The following ZNF800 variants were observed in gnomAD, a reference collection of about 807,000 sequenced individuals.
ZNF800 encodes zinc finger protein 800.
A neutral mutation model predicts 59.5 loss-of-function variants in ZNF800; 13 were observed. The observed-to-expected ratio is 0.22, with a 90% CI of 0.14 to 0.35. ZNF800 has a LOEUF of 0.35. ZNF800 is among the 10% of genes least tolerant of loss of function. The pLI is 1.00. For synonymous variants in ZNF800, 266 were observed against 265.7 expected (o/e 1.00, Z -0.01); for missense variants, 621 against 783.7 (o/e 0.79, Z 2.48).
Position 127,391,423 on chromosome 7 carries a change from A to G in ZNF800, c.61+74T>C. 2.1e-6 allele frequency: 3 copies of G among 1,462,404 alleles called. No individual in the cohort carries two copies. The East Asian group carries it at 6.8e-5, about 33-fold the overall frequency. 90.6% of individuals were successfully genotyped at this position (1,462,404 alleles called of 1,614,324 possible). A position where few individuals can be genotyped will look rare whatever the true frequency, so the allele number is the denominator to read the frequency against. On this transcript the variant is annotated intron_variant, in intron 2 of 5. Transcript: ENST00000265827. ...GAATGACTACTGGGGCAGGAGGAAA[A>G]AAAGCTAGAAAAAAAGAGAAGGCAG...
At chr7:127,359,486 T>C (rs17866482) in intron 1 of ZNF800, among the ~76,000 whole-genome samples, 1 of 152,124 alleles carries the variant, frequency 6.6e-6, no homozygotes, top group Non-Finnish European at 1.5e-5. Flanking sequence ...GTAAAGAAAT[T>C]AAAGTTATTT....
chr7:127,386,112 T>A lies in ZNF800; in HGVS notation c.105A>T (p.Pro35=), dbSNP rs765759695. The A allele has an allele frequency of 6.2e-7, 1 of 1,611,968 alleles. No homozygotes were observed. The highest frequency in any genetic ancestry group is 8.5e-7 in the Non-Finnish European group (1 of 1,178,702). ...GAATACCAGATTTGGATGTCTGTAG[T>A]GGTTGCTGTAACAAAGGAGGATCTC... ...EPGDPPLLQQ[P]LQTSKSGIQQ... is the part of the protein sequence containing the mutation. Residue 35 remains proline (P), a synonymous_variant, in exon 3 of 6, where the codon CCA becomes CCT. Coordinates refer to ENST00000265827, the MANE Select transcript of ZNF800 (RefSeq NM_176814.5).
At chr7:127,361,104 T>C (rs1800384556) in intron 1 of ZNF800, 2 of 152,154 alleles carry the variant, frequency 1.3e-5, no homozygotes, top group South Asian at 4.1e-4. Context: ...TTACAAAACA[T>C]GGTACTAACT....
intron 1 of ZNF800, among the ~76,000 whole-genome samples, chr7:127,355,038 T>TA (rs1212347033): frequency 5.3e-5 from 8 of 152,076 alleles, no homozygotes; most frequent in Non-Finnish European, 8.8e-5. Context: ...ACATTTCAGT[T>TA]ATTGAGTAAA....
intron 5 of ZNF800, among the ~76,000 whole-genome samples, chr7:127,372,107 C>T (rs1355666927): frequency 2.0e-5 from 3 of 152,034 alleles, no homozygotes; most frequent in East Asian, 1.9e-4. Flanking sequence ...TATAGACTTG[C>T]GAAAAGTATA....
In ZNF800 at chr7:127,373,184, G is replaced by C. The variant is rs1442753348; in HGVS notation, c.1994+158C>G. On this transcript the variant is annotated intron_variant, in intron 5 of 5. Transcript: ENST00000265827. ...CCACTGGAATAAAGGTCACTGAAGA[G>C]GTAAATGCAATATGCACATTACTCT... 1.4e-5 allele frequency: 14 copies of C among 985,406 alleles called. No individual in the cohort carries two copies. In the East Asian group the frequency reaches 1.5e-3, roughly 104 times the overall value. The allele number at this position is 985,406 out of a possible 1,614,324, so 61.0% of individuals were successfully genotyped here. A position where few individuals can be genotyped will look rare whatever the true frequency, so the allele number is the denominator to read the frequency against.
At chr7:127,384,810 T>C (rs974422965) in intron 3 of ZNF800, among the ~76,000 whole-genome samples, 2 of 152,162 alleles carry the variant, frequency 1.3e-5, no homozygotes, top group African/African-American at 4.8e-5. Flanking sequence ...ATTGAACTTA[T>C]CACAAGAAAA....
intron 2 of ZNF800, among the ~76,000 whole-genome samples, chr7:127,388,250 T>C (rs1001586463): frequency 6.6e-6 from 1 of 152,206 alleles, no homozygotes; most frequent in Non-Finnish European, 1.5e-5. Context: ...TACCCATCAA[T>C]TGCTTTCCTG....
At position 127,361,632 on chromosome 7, in the gene ZNF800, G is replaced by A. The variant is rs1378114592; in HGVS notation, n.224+11710C>T. 6 of 152,138 alleles carry A rather than the reference G, an allele frequency of 3.9e-5. No homozygotes were observed. In the East Asian group the frequency reaches 5.8e-4, roughly 15 times the overall value. The allele number at this position is 152,138 out of a possible 1,614,324, so 9.4% of individuals were successfully genotyped here. ...AAGCCTAGACTTATAAAATTCTTAAGAGTAATCAAGTCATATTTTTCTTCA... is the reference window on the plus strand; with the variant it reads ...AAGCCTAGACTTATAAAATTCTTAAAAGTAATCAAGTCATATTTTTCTTCA... On this transcript the variant is annotated intron_variant and non_coding_transcript_variant, in intron 1 of 1. Transcript: ENST00000485577.
chr7:127,376,981 A>G (rs1800804387), intron 4 of ZNF800, among the ~76,000 whole-genome samples: 1 of 152,024 alleles, frequency 6.6e-6, no homozygotes, highest in Admixed American at 6.6e-5. Context: ...AGTGGAAAGC[A>G]TTGATATGAA....
intron 1 of ZNF800, among the ~76,000 whole-genome samples, chr7:127,352,277 A>G (rs1429687872): frequency 1.3e-5 from 2 of 152,254 alleles, no homozygotes; most frequent in Non-Finnish European, 1.5e-5. Flanking sequence ...GTTATCATGT[A>G]CTTACTGTAT....
intron 1 of ZNF800, among the ~76,000 whole-genome samples, chr7:127,353,625 G>T (rs114670358): frequency 2.0e-5 from 3 of 152,216 alleles, no homozygotes; most frequent in Non-Finnish European, 4.4e-5. Context: ...CCATCTTTAG[G>T]AAGAAAGCAG....
intron 3 of ZNF800, among the ~76,000 whole-genome samples, chr7:127,383,167 A>G (rs1273595110): frequency 6.6e-6 from 1 of 152,074 alleles, no homozygotes; most frequent in Non-Finnish European, 1.5e-5. Context: ...AAATGAGTCA[A>G]CTCCTTCATA....
At chr7:127,353,139 T>C (rs1023124339) in intron 1 of ZNF800, among the ~76,000 whole-genome samples, 1 of 152,116 alleles carries the variant, frequency 6.6e-6, no homozygotes, top group Admixed American at 6.6e-5. Context: ...ACATATAAAC[T>C]TTTACCAAAG....
chr7:127,385,195 A>G (rs1801100674), intron 3 of ZNF800, among the ~76,000 whole-genome samples: 1 of 152,198 alleles, frequency 6.6e-6, no homozygotes, highest in Admixed American at 6.5e-5. Flanking sequence ...AACCTCAGAA[A>G]TTTTTCATTC....
intron 2 of ZNF800, among the ~76,000 whole-genome samples, 199 bp downstream of exon 2, chr7:127,391,298 A>T (rs925717207): frequency 2.0e-5 from 3 of 152,202 alleles, no homozygotes; most frequent in Admixed American, 6.5e-5. Context: ...TGACACTTGC[A>T]GTACTTTTTT....
intron 3 of ZNF800, among the ~76,000 whole-genome samples, chr7:127,381,403 T>G (rs1408285412): frequency 6.6e-6 from 1 of 151,562 alleles, no homozygotes. Flanking sequence ...AAATTGAAAG[T>G]TCTATCCTAA....
chr7:127,391,187 A>G (rs920491507), intron 2 of ZNF800, among the ~76,000 whole-genome samples: 5 of 152,138 alleles, frequency 3.3e-5, no homozygotes, highest in African/African-American at 2.4e-5. Flanking sequence ...TTTCTCTTCA[A>G]TTTTAAACAT....
rs1196318432 is a variant in ZNF800, at chr7:127,373,749, A to G, written c.1587T>C (p.Arg529=). 4 of 1,614,002 alleles carry G rather than the reference A, an allele frequency of 2.5e-6. No individual in the cohort carries two copies. In the Admixed American group the frequency reaches 6.7e-5, roughly 27 times the overall value. The change falls in exon 5 of 6, where the codon CGT becomes CGC. Residue 529 remains arginine (R), a synonymous_variant. Coordinates refer to ENST00000265827, the MANE Select transcript of ZNF800 (RefSeq NM_176814.5). ...TATGTCGTATCACATCACGTTTCCG[A>G]CGAGTTTCATAAGTGCAAAGAGGAC... ...YKCPLCTYET[R]RKRDVIRHIT...
Sources: allele counts gnomAD v4.1 joint callset (sites outside exome capture counted in the v4.1 genomes callset), GRCh38; gene constraint gnomAD v4.1.1; transcripts MANE v1.5; gene names NCBI Gene and HGNC (gene_info 2026-07-23, HGNC 2026-07-21).